The following DEAF1 variants were observed in gnomAD, a reference collection of about 807,000 sequenced individuals.
DEAF1 encodes DEAF1 transcription factor.
A neutral mutation model predicts 58.9 loss-of-function variants in DEAF1; 53 were observed. That is an observed-to-expected ratio of 0.90 (90% confidence interval 0.72 to 1.13). The LOEUF is 1.13. Among genes scored for constraint, DEAF1 ranks in the 50% most tolerant of loss-of-function variants. DEAF1 has a pLI of 0.00. For synonymous variants in DEAF1, 385 were observed against 340.4 expected, an observed-to-expected ratio of 1.13 and a Z score of -1.44; for missense variants, 685 against 791.4, an observed-to-expected ratio of 0.87 and a Z score of 1.61.
rs1564952226 is a variant in DEAF1 at position 690,273 on chromosome 11, GGGGAGGGCAGGGGAGGGC to G, written c.387+1210_387+1227del. 7.8e-3 allele frequency among the ~76,000 whole-genome samples: 52 copies of G among 6,648 alleles called. 2 individuals are homozygous for G. Among genetic ancestry groups the G allele is most frequent in the South Asian group, 0.013 (1 of 76 alleles). The allele number at this position is 6,648 out of a possible 152,430, so 4.4% of individuals were successfully genotyped here. On this transcript the variant is annotated intron_variant, in intron 2 of 11. Transcript: ENST00000382409. ...GAGGAGGGGAGGGGAGGGCAGGGCA[GGGGAGGGCAGGGGAGGGC>G]AGGGGAGGGGAGGGGAGGAGAGGGC...
intron 10 of DEAF1, among the ~76,000 whole-genome samples, chr11:662,275 T>C (rs1202196761): frequency 6.6e-6 from 1 of 152,126 alleles, no homozygotes; most frequent in Admixed American, 6.5e-5. Flanking sequence ...AGAGCAAGAT[T>C]CCGTCTCATA....
chr11:676,780 C>T (rs910018256), intron 9 of DEAF1, among the ~76,000 whole-genome samples: 14 of 152,010 alleles, frequency 9.2e-5, no homozygotes, highest in African/African-American at 2.9e-4. Context: ...CTGGGATTAC[C>T]GGCGTGAGCC....
chr11:645,697 G>A (rs1858459282), intron 11 of DEAF1, among the ~76,000 whole-genome samples: 1 of 152,170 alleles, frequency 6.6e-6, no homozygotes, highest in South Asian at 2.1e-4. Context: ...GTGGGGGATG[G>A]TGCCTGGGAG....
intron 6 of DEAF1, among the ~76,000 whole-genome samples, chr11:684,058 A>G (rs1860482956): frequency 6.6e-6 from 1 of 151,958 alleles, no homozygotes; most frequent in Non-Finnish European, 1.5e-5. Context: ...AAATCTATAT[A>G]TCAACTACAC....
intron 11 of DEAF1, among the ~76,000 whole-genome samples, chr11:649,938 A>G (rs1858683191): frequency 1.3e-5 from 2 of 152,086 alleles, no homozygotes; most frequent in Admixed American, 1.3e-4. Flanking sequence ...AGGAAGGGAA[A>G]TCACTTGAAC....
intron 11 of DEAF1, among the ~76,000 whole-genome samples, chr11:648,377 A>G (rs1012943712): frequency 6.6e-5 from 10 of 151,972 alleles, no homozygotes; most frequent in Admixed American, 6.6e-4. Flanking sequence ...TTGTATTTTT[A>G]GTAGAGACGG....
In DEAF1 at chr11:694,968, G is replaced by GCCGCCACAGCGGCCGCGGCCGCCA. The variant is rs773843056; in HGVS notation, c.56_79dup (p.Val19_Ala26dup). Reference sequence around the variant, plus strand: ...GCCTCCTGCCGCGGCCGCGGCCGCCGCCGCCACAGCGGCCGCGGCCGCCAC... The same window carrying GCCGCCACAGCGGCCGCGGCCGCCA: ...GCCTCCTGCCGCGGCCGCGGCCGCCGCCGCCACAGCGGCCGCGGCCGCCACCGCCACAGCGGCCGCGGCCGCCAC... On this transcript the variant is annotated inframe_insertion, in exon 1 of 12. Coordinates refer to ENST00000382409, the MANE Select transcript of DEAF1 (RefSeq NM_021008.4). 9.4e-6 allele frequency: 10 copies of GCCGCCACAGCGGCCGCGGCCGCCA among 1,065,266 alleles called. No individual in the cohort carries two copies. Among genetic ancestry groups the GCCGCCACAGCGGCCGCGGCCGCCA allele is most frequent in the Non-Finnish European group, 1.1e-5 (10 of 875,190 alleles). 66.0% of individuals were successfully genotyped at this position (1,065,266 alleles called of 1,614,324 possible). A position where few individuals can be genotyped will look rare whatever the true frequency, so the allele number is the denominator to read the frequency against.
chr11:697,203 G>T (rs1861235463), upstream of DEAF1, among the ~76,000 whole-genome samples: 1 of 151,712 alleles, frequency 6.6e-6, no homozygotes, highest in African/African-American at 2.4e-5. Flanking sequence ...GCAGTGAGCT[G>T]TGATCAGGCC....
At chr11:671,384 CTAAT>C (rs918250382) in intron 10 of DEAF1, among the ~76,000 whole-genome samples, 7 of 151,868 alleles carry the variant, frequency 4.6e-5, no homozygotes, top group Non-Finnish European at 1.0e-4. Context: ...CCACACCCAG[CTAAT>C]TTTTATATTT....
At chr11:656,113 C>G (rs192455425) in intron 10 of DEAF1, among the ~76,000 whole-genome samples, 1 of 150,146 alleles carries the variant, frequency 6.7e-6, no homozygotes, top group African/African-American at 2.5e-5. Flanking sequence ...GGATTACAGG[C>G]ATGAGCCACC....
At position 652,036 on chromosome 11, in the gene DEAF1, C is replaced by T. The variant is rs539250532; in HGVS notation, c.1593+1926G>A. ...CAACCAACCTAACTGATATCTAATA[C>T]TCCACCCAACAGAGCAGAATATACA... is the stretch of plus-strand genomic sequence containing the variant. On this transcript the variant is annotated intron_variant, in intron 11 of 11. Transcript: ENST00000382409. Among the ~76,000 whole-genome samples, 249 of 152,304 alleles carry T rather than the reference C, an allele frequency of 1.6e-3. 2 individuals are homozygous for T. The highest frequency in any genetic ancestry group is 2.2e-3 in the Non-Finnish European group (153 of 68,036).
chr11:650,938 G>A (rs1858737110), intron 11 of DEAF1, among the ~76,000 whole-genome samples: 1 of 152,046 alleles, frequency 6.6e-6, no homozygotes, highest in East Asian at 1.9e-4. Flanking sequence ...TAAGACAGGT[G>A]GAGTGTCTAT....
intron 6 of DEAF1, among the ~76,000 whole-genome samples, chr11:683,710 T>A (rs960533111): frequency 6.6e-6 from 1 of 152,236 alleles, no homozygotes; most frequent in African/African-American, 2.4e-5. Flanking sequence ...ACGAATCAAC[T>A]TGGGAAAAAG....
intron 6 of DEAF1, among the ~76,000 whole-genome samples, chr11:681,428 T>G (rs1860363979): frequency 1.1e-5 from 1 of 87,592 alleles, no homozygotes; most frequent in Non-Finnish European, 2.4e-5. Context: ...TTTTTTTTTT[T>G]GAGACAGAGT....
intron 10 of DEAF1, among the ~76,000 whole-genome samples, chr11:665,301 A>G (rs1208440471): frequency 6.6e-6 from 1 of 151,762 alleles, no homozygotes; most frequent in Non-Finnish European, 1.5e-5. Flanking sequence ...TCAGCTATTC[A>G]CACTGAGAGG....
At position 644,827 on chromosome 11, in the gene DEAF1, C is replaced by T. The variant is rs554811804; in HGVS notation, c.1594-173G>A. Among the ~76,000 whole-genome samples the T allele has an allele frequency of 1.6e-4, 24 of 152,232 alleles. No individual in the cohort carries two copies. Among genetic ancestry groups the T allele is most frequent in the Middle Eastern group, 6.8e-3 (2 of 294 alleles). ...AACTCTGGTGGGCTCTGCTCCAATA[C>T]AGCCTTCCCCACACTCTCTTGGTTT... On this transcript the variant is annotated intron_variant, in intron 11 of 11. Coordinates refer to ENST00000382409, the MANE Select transcript of DEAF1 (RefSeq NM_021008.4). The surrounding 1 kb of genome is among the most constrained non-coding windows in gnomAD (Gnocchi z 4.3).
At chr11:658,067 C>T (rs1167392206) in intron 10 of DEAF1, among the ~76,000 whole-genome samples, 1 of 152,158 alleles carries the variant, frequency 6.6e-6, no homozygotes, top group Non-Finnish European at 1.5e-5. Context: ...CAGAAGGGAC[C>T]CTCTGCGCTC....
chr11:694,742 C>T lies in DEAF1; in HGVS notation c.289+17G>A. 2.3e-6 allele frequency: 3 copies of T among 1,291,164 alleles called. No homozygotes were observed. In the South Asian group the frequency reaches 7.2e-5, roughly 31 times the overall value. The allele number at this position is 1,291,164 out of a possible 1,614,324, so 80.0% of individuals were successfully genotyped here. A position where few individuals can be genotyped will look rare whatever the true frequency, so the allele number is the denominator to read the frequency against. On this transcript the variant is annotated intron_variant, in intron 1 of 11. Transcript: ENST00000382409. ...CGCGGGAACCGGACGAGGCGAGAGG[C>T]CGGCGGGCGCACTTGCCTGCGAAGG...
intron 2 of DEAF1, among the ~76,000 whole-genome samples, chr11:690,975 A>G (rs1860807590): frequency 6.6e-6 from 1 of 152,216 alleles, no homozygotes; most frequent in Non-Finnish European, 1.5e-5. Flanking sequence ...AAAACATAAA[A>G]TAAGCTGATA....
Sources: gnomAD v4.1 joint callset for allele counts (sites outside exome capture counted in the v4.1 genomes callset) on GRCh38, gnomAD v4.1.1 for gene constraint, Gnocchi (gnomAD v3.1) non-coding constraint, MANE v1.5 for transcripts, NCBI Gene and HGNC (gene_info 2026-07-23, HGNC 2026-07-21) for gene names.